The following GMDS variants were observed in gnomAD, a reference collection of about 807,000 sequenced individuals.
The protein encoded by GMDS is GDP-mannose 4,6 dehydratase.
Under a neutral mutation model 49.9 loss-of-function variants are expected in GMDS, and 20 were observed. That is an observed-to-expected ratio of 0.40 (90% CI 0.28 to 0.58). GMDS has a LOEUF of 0.58. Among genes scored for constraint, GMDS ranks in the 20% least tolerant of loss-of-function variants. GMDS has a pLI of 0.42. For missense variants in GMDS, 362 were observed against 481.4 expected, an observed-to-expected ratio of 0.75 and a Z score of 2.32; for synonymous variants, 177 against 178.6, an observed-to-expected ratio of 0.99 and a Z score of 0.07.
At chr6:1,795,966 C>T (rs1159681197) in intron 7 of GMDS, among the ~76,000 whole-genome samples, 1 of 152,192 alleles carries the variant, frequency 6.6e-6, no homozygotes, top group Non-Finnish European at 1.5e-5. Context: ...CTGGCCAGTT[C>T]TCTTCTCTCT....
chr6:1,730,601 C>G (rs73405583), intron 8 of GMDS, among the ~76,000 whole-genome samples: 7,428 of 152,166 alleles, frequency 0.049, 478 homozygotes, highest in African/African-American at 0.14. Flanking sequence ...ATGCTGAAGA[C>G]AGAGGAAATT....
rs1762790272 is a variant in GMDS, at chr6:1,624,677, C to G, written c.988-137G>C. The G allele has an allele frequency of 4.7e-6, 3 of 643,144 alleles. No homozygotes were observed. In the East Asian group the frequency reaches 8.2e-5, roughly 18 times the overall value. 39.8% of individuals were successfully genotyped at this position (643,144 alleles called of 1,614,324 possible). On this transcript the variant is annotated intron_variant, in intron 9 of 10. Transcript: ENST00000380815. ...CGGGTTTCCCTGCTTTCGGTCCCTG[C>G]TGTGCGCGTTCAGTTGCGGCTCTCG...
At chr6:1,910,820 C>A (rs904734343) in intron 7 of GMDS, among the ~76,000 whole-genome samples, 1 of 152,168 alleles carries the variant, frequency 6.6e-6, no homozygotes, top group African/African-American at 2.4e-5. Context: ...AGTGGTGAGG[C>A]CAATGCCCTC....
intron 1 of GMDS, among the ~76,000 whole-genome samples, chr6:2,178,884 T>C (rs1214858253): frequency 6.6e-6 from 1 of 152,206 alleles, no homozygotes; most frequent in East Asian, 1.9e-4. Flanking sequence ...ATATTCTTTG[T>C]TAAAAAATGG....
chr6:2,177,563 C>G (rs1225490368), intron 1 of GMDS, among the ~76,000 whole-genome samples: 1 of 152,098 alleles, frequency 6.6e-6, no homozygotes, highest in Non-Finnish European at 1.5e-5. Context: ...ATATATGATT[C>G]ACCACATAAA....
intron 7 of GMDS, among the ~76,000 whole-genome samples, chr6:1,752,154 T>C (rs995530976): frequency 1.3e-5 from 2 of 152,128 alleles, no homozygotes; most frequent in South Asian, 2.1e-4. Flanking sequence ...GTTAGATGAA[T>C]TGCTAACTAG....
chr6:1,691,450 C>A (rs1383670913), intron 9 of GMDS, among the ~76,000 whole-genome samples: 1 of 152,100 alleles, frequency 6.6e-6, no homozygotes, highest in African/African-American at 2.4e-5. Flanking sequence ...AGCAAACCAC[C>A]ATGGCATACG....
chr6:1,634,652 C>A (rs1408123456), intron 9 of GMDS, among the ~76,000 whole-genome samples: 4 of 152,124 alleles, frequency 2.6e-5, no homozygotes, highest in East Asian at 1.9e-4. Flanking sequence ...TTGCTTAGAG[C>A]CACAGTGGGG....
At chr6:2,157,486 C>T (rs1777166211) in intron 1 of GMDS, among the ~76,000 whole-genome samples, 1 of 152,214 alleles carries the variant, frequency 6.6e-6, no homozygotes, top group South Asian at 2.1e-4. Context: ...TGACCAAGGA[C>T]AACTAATCTG....
At chr6:2,070,055 T>C (rs952315287) in intron 4 of GMDS, among the ~76,000 whole-genome samples, 44 of 151,388 alleles carry the variant, frequency 2.9e-4, no homozygotes, top group Admixed American at 1.3e-3. Context: ...TAAGAAAATG[T>C]GGCACATATA....
chr6:1,647,937 T>C (rs1239153820), intron 9 of GMDS, among the ~76,000 whole-genome samples: 2 of 152,120 alleles, frequency 1.3e-5, no homozygotes, highest in African/African-American at 4.8e-5. Flanking sequence ...ACCACAGCTG[T>C]TCTCATCTCA....
chr6:2,234,730 A>G (rs1781274258), intron 1 of GMDS, among the ~76,000 whole-genome samples: 2 of 152,230 alleles, frequency 1.3e-5, no homozygotes, highest in South Asian at 4.1e-4. Flanking sequence ...ATTCTCAAAA[A>G]TGATAGGAGT....
At chr6:2,092,711 G>A (rs1242979468) in intron 4 of GMDS, among the ~76,000 whole-genome samples, 2 of 152,018 alleles carry the variant, frequency 1.3e-5, no homozygotes, top group African/African-American at 4.8e-5. Context: ...CTCTAACACC[G>A]ACATGCCTAA....
chr6:1,999,996 T>TAA (rs1255621997), intron 4 of GMDS, among the ~76,000 whole-genome samples: 20 of 10,432 alleles, frequency 1.9e-3, no homozygotes, highest in South Asian at 0.011. Flanking sequence ...TATATATATA[T>TAA]TATATATATA....
chr6:1,784,110 G>C (rs1048252440), intron 7 of GMDS, among the ~76,000 whole-genome samples: 3 of 152,138 alleles, frequency 2.0e-5, no homozygotes, highest in African/African-American at 7.2e-5. Flanking sequence ...TTATAGGTGG[G>C]CTATTTATTT....
At chr6:2,098,068 A>T (rs549067168) in intron 4 of GMDS, among the ~76,000 whole-genome samples, 242 of 151,312 alleles carry the variant, frequency 1.6e-3, no homozygotes, top group African/African-American at 5.3e-3. Flanking sequence ...TATTATTATT[A>T]TTTTTTTGAG....
intron 4 of GMDS, among the ~76,000 whole-genome samples, chr6:1,966,112 A>G (rs1369120895): frequency 6.6e-6 from 1 of 152,150 alleles, no homozygotes; most frequent in Non-Finnish European, 1.5e-5. Flanking sequence ...AGCAGAAAAT[A>G]TTTACGATCT....
rs79453323 is a variant in GMDS, at chr6:1,696,424, C to T, written c.987+29992G>A. Among the ~76,000 whole-genome samples the T allele has an allele frequency of 9.2e-3, 1,395 of 152,182 alleles. 28 individuals are homozygous for T. The highest frequency in any genetic ancestry group is 0.032 in the African/African-American group (1,345 of 41,448). ...CCTGAGAATTTTCTTCTGTTCACTG[C>T]TAATTTTGGCTACTTTAGTTGCTTT... On this transcript the variant is annotated intron_variant, in intron 9 of 10. Coordinates refer to ENST00000380815, the MANE Select transcript of GMDS (RefSeq NM_001500.4).
At chr6:2,186,472 G>A (rs1778785649) in intron 1 of GMDS, among the ~76,000 whole-genome samples, 2 of 152,242 alleles carry the variant, frequency 1.3e-5, no homozygotes, top group South Asian at 4.1e-4. Flanking sequence ...GAATCAACCT[G>A]GATGAAAGAG....
Sources: gnomAD v4.1 joint callset for allele counts (sites outside exome capture counted in the v4.1 genomes callset) on GRCh38, gnomAD v4.1.1 for gene constraint, MANE v1.5 for transcripts, NCBI Gene and HGNC (gene_info 2026-07-23, HGNC 2026-07-21) for gene names.